EHD4: variants seen among roughly 807,000 people sequenced by gnomAD.
The protein encoded by EHD4 is EH domain-containing protein 4.
In EHD4, 37 loss-of-function variants were observed where a neutral mutation model predicts 51.0. The observed-to-expected ratio is 0.73, with a 90% confidence interval of 0.56 to 0.95. The LOEUF is 0.95. Among genes scored for constraint, EHD4 ranks in the 40% least tolerant of loss-of-function variants. The pLI is 0.00. For missense variants in EHD4, 632 were observed against 733.1 expected, an observed-to-expected ratio of 0.86 and a Z score of 1.59; for synonymous variants, 297 against 317.3, an observed-to-expected ratio of 0.94 and a Z score of 0.68.
At chr15:41,914,466 T>C (rs1275077069) in intron 4 of EHD4, among the ~76,000 whole-genome samples, 1 of 152,194 alleles carries the variant, frequency 6.6e-6, no homozygotes, top group Non-Finnish European at 1.5e-5. Context: ...GCAGCTGACT[T>C]GAGCAAGGGT....
chr15:41,911,924 C>T (rs552648963), intron 4 of EHD4, among the ~76,000 whole-genome samples: 3 of 152,166 alleles, frequency 2.0e-5, no homozygotes, highest in Middle Eastern at 3.2e-3. Flanking sequence ...TGACTCCTCA[C>T]CCACTCCCTG....
At chr15:41,951,402 C>A (rs975252631) in intron 2 of EHD4, among the ~76,000 whole-genome samples, 1 of 152,104 alleles carries the variant, frequency 6.6e-6, no homozygotes, top group East Asian at 1.9e-4. Context: ...CTTTGCCATT[C>A]AAAATCGTTC....
chr15:41,953,639 T>A, intron 2 of EHD4, 125 bp downstream of exon 2: 3 of 1,061,838 alleles, frequency 2.8e-6, no homozygotes, highest in Non-Finnish European at 4.1e-6. Context: ...ATAAACATAT[T>A]TTGTATGACT....
At chr15:41,944,899 G>T (rs2067801360) in intron 2 of EHD4, among the ~76,000 whole-genome samples, 1 of 152,130 alleles carries the variant, frequency 6.6e-6, no homozygotes, top group Non-Finnish European at 1.5e-5. Flanking sequence ...GTCCCCTCCT[G>T]TACCCCAACC....
intron 3 of EHD4, among the ~76,000 whole-genome samples, chr15:41,920,585 T>C (rs1648822): frequency 0.13 from 19,749 of 152,290 alleles, 1,990 homozygotes; most frequent in African/African-American, 0.28. Flanking sequence ...CTTTCAAACA[T>C]ACATAAACAT....
intron 5 of EHD4, among the ~76,000 whole-genome samples, chr15:41,902,962 G>A (rs1484269331): frequency 6.6e-6 from 1 of 151,464 alleles, no homozygotes; most frequent in Non-Finnish European, 1.5e-5. Context: ...GACCCTCACT[G>A]TCTAAGGAGA....
At chr15:41,958,879 G>A (rs140428260) in intron 1 of EHD4, among the ~76,000 whole-genome samples, 31 of 152,174 alleles carry the variant, frequency 2.0e-4, no homozygotes, top group East Asian at 1.9e-3. Context: ...TGGGTTAAGC[G>A]GTTTATTAAG....
intron 3 of EHD4, chr15:41,941,606 T>A (rs1256592318): frequency 6.7e-6 from 1 of 149,804 alleles, no homozygotes; most frequent in East Asian, 2.0e-4. Context: ...TTTTTTTTCA[T>A]AATTGCAAGG....
rs531001443 is a variant in EHD4 at position 41,922,583 on chromosome 15, T to A, written c.512-2961A>T. ...TGCCAACCCAGCCGTGCAGATGCAG[T>A]CTCTCTTCCTCCCAGGGCCGCCTGG... On this transcript the variant is annotated intron_variant, in intron 3 of 5. Coordinates refer to ENST00000220325, the MANE Select transcript of EHD4 (RefSeq NM_139265.4). Among the ~76,000 whole-genome samples, 164 of 152,274 alleles carry A rather than the reference T, an allele frequency of 1.1e-3. 1 individual carries two copies. Among genetic ancestry groups the A allele is most frequent in the Middle Eastern group, 0.01 (3 of 294 alleles).
At chr15:41,901,452 T>C (rs948261981) in intron 5 of EHD4, among the ~76,000 whole-genome samples, 3 of 152,244 alleles carry the variant, frequency 2.0e-5, no homozygotes, top group Non-Finnish European at 2.9e-5. Context: ...AAACCTTCTT[T>C]CACCTGCCTT....
intron 5 of EHD4, 104 bp from the exon 6 acceptor site, chr15:41,901,285 A>G (rs2067476434): frequency 5.5e-6 from 7 of 1,271,598 alleles, no homozygotes; most frequent in East Asian, 4.8e-5. Context: ...CAGACGTCCC[A>G]CCCACTACTC....
At chr15:41,959,901 C>T (rs1038530688) in intron 1 of EHD4, among the ~76,000 whole-genome samples, 2 of 145,542 alleles carry the variant, frequency 1.4e-5, no homozygotes, top group Non-Finnish European at 3.0e-5. Context: ...ACCTGGGAGG[C>T]GGAGGTTGCA....
rs116432136 is a variant in EHD4, at chr15:41,936,751, T to A, written c.511+6316A>T. Among the ~76,000 whole-genome samples, 698 of 152,276 alleles carry A rather than the reference T, an allele frequency of 4.6e-3. 4 individuals carry two copies. The highest frequency in any genetic ancestry group is 0.016 in the African/African-American group (650 of 41,554). ...CGGGGCTGGCGAACGCTGTTGTGAG[T>A]CACAGTGGCGATATGCTCACATCAG... On this transcript the variant is annotated intron_variant, in intron 3 of 5. Coordinates refer to ENST00000220325, the MANE Select transcript of EHD4 (RefSeq NM_139265.4).
intron 3 of EHD4, among the ~76,000 whole-genome samples, chr15:41,935,203 A>C (rs529120205): frequency 2.6e-5 from 4 of 152,276 alleles, no homozygotes; most frequent in Non-Finnish European, 5.9e-5. Context: ...CCACCTCCTC[A>C]GAGAGCCCTC....
intron 3 of EHD4, 135 bp downstream of exon 3, chr15:41,942,932 C>A (rs891228180): frequency 4.0e-6 from 3 of 757,454 alleles, no homozygotes; most frequent in African/African-American, 3.5e-5. Context: ...TCCTGGTTGA[C>A]ACTTGGGGCC....
Position 41,963,790 on chromosome 15 carries a change from T to G in EHD4, c.236+8469A>C, listed in dbSNP as rs77844422. Among the ~76,000 whole-genome samples, 1,158 of 151,982 alleles carry G rather than the reference T, an allele frequency of 7.6e-3. 16 individuals carry two copies. Among genetic ancestry groups the G allele is most frequent in the African/African-American group, 0.027 (1,111 of 41,440 alleles). On this transcript the variant is annotated intron_variant, in intron 1 of 5. Transcript: ENST00000220325. ...GCAAATTTCAAACTGGAAAAACACT[T>G]TTACAACTGTGACAAAGGATTGATA...
intron 2 of EHD4, among the ~76,000 whole-genome samples, chr15:41,948,210 G>A (rs757137159): frequency 6.6e-6 from 1 of 151,974 alleles, no homozygotes. Flanking sequence ...CCAAGATTGC[G>A]CCACTGCACT....
rs772682943 is a variant in EHD4, at chr15:41,972,507, C to A, written c.-13G>T. ...TCCAGCTGAACATCCTGCCGCCAGT[C>A]CACGCTCGGATGGGACCCTGCTCCG... On this transcript the variant is annotated 5_prime_UTR_variant, in exon 1 of 6. Coordinates refer to ENST00000220325, the MANE Select transcript of EHD4 (RefSeq NM_139265.4). 2.7e-6 allele frequency: 4 copies of A among 1,497,376 alleles called. No homozygotes were observed. Among genetic ancestry groups the A allele is most frequent in the Non-Finnish European group, 2.7e-6 (3 of 1,126,626 alleles). 92.8% of individuals were successfully genotyped at this position (1,497,376 alleles called of 1,614,324 possible).
chr15:41,903,281 GA>G lies in EHD4; in HGVS notation c.1090-2101del, dbSNP rs566427405. Among the ~76,000 whole-genome samples the G allele has an allele frequency of 9.2e-3, 778 of 84,452 alleles. 7 individuals are homozygous for G. Among genetic ancestry groups the G allele is most frequent in the African/African-American group, 0.028 (614 of 21,664 alleles). The allele number at this position is 84,452 out of a possible 152,430, so 55.4% of individuals were successfully genotyped here. Reference sequence around the variant, plus strand: ...CAGAAGCAATGTGACAGGCTGCTAGGAAAAAAAAAAAAAAACTTGGTGTTAT... The same window carrying G: ...CAGAAGCAATGTGACAGGCTGCTAGGAAAAAAAAAAAAAACTTGGTGTTAT... On this transcript the variant is annotated intron_variant, in intron 5 of 5. Transcript: ENST00000220325.
Sources: gnomAD v4.1 joint callset for allele counts (sites outside exome capture counted in the v4.1 genomes callset) on GRCh38, gnomAD v4.1.1 for gene constraint, MANE v1.5 for transcripts, NCBI Gene and HGNC (gene_info 2026-07-23, HGNC 2026-07-21) for gene names.